The following DIXDC1 variants were observed in gnomAD, a reference collection of about 807,000 sequenced individuals.
The protein encoded by DIXDC1 is dixin.
DIXDC1 carries 64 observed loss-of-function variants against 103.1 expected under a neutral mutation model. That is an observed-to-expected ratio of 0.62 (90% CI 0.51 to 0.76). The LOEUF is 0.76. Ranked by LOEUF, DIXDC1 falls within the 30% of genes least tolerant of loss-of-function variation. DIXDC1 has a pLI of 0.00. For missense variants in DIXDC1, 759 were observed against 834.2 expected (o/e 0.91, Z 1.11); for synonymous variants, 266 against 298.5 (o/e 0.89, Z 1.12).
In DIXDC1 at chr11:111,985,286, C is replaced by T. The variant is rs782455654; in HGVS notation, c.973C>T (p.Leu325Phe). The change falls in exon 8 of 20, where the codon CTC becomes TTC. Residue 325 changes from leucine to phenylalanine, a missense_variant. This residue lies in a region of DIXDC1 where 657 missense variants were observed against 727.5 expected (regional missense o/e 0.90). Coordinates refer to ENST00000440460, the MANE Select transcript of DIXDC1 (RefSeq NM_001037954.4). ...AGATGAACAGGAGAGGCCCTTGGCC[C>T]TCTGTGAACCAGGTGTCAATCCCGA... The part of the protein sequence containing the change: ...PEDEQERPLA[L>F]CEPGVNPEEQ... 6.2e-7 allele frequency: 1 copy of T among 1,613,638 alleles called. No homozygotes were observed. The highest frequency in any genetic ancestry group is 1.1e-5 in the South Asian group (1 of 90,952).
Position 111,949,762 on chromosome 11 carries a change from G to A in DIXDC1, c.60+12203G>A, listed in dbSNP as rs1263571570. ...ACTGGCTGTTCCTCTAAGATAGTAT[G>A]TGTCTTCTGACCCTTCCTCCTTCCA... On this transcript the variant is annotated intron_variant, in intron 1 of 19. Transcript: ENST00000440460. 7.2e-5 allele frequency among the ~76,000 whole-genome samples: 11 copies of A among 152,222 alleles called. No individual in the cohort carries two copies. The South Asian group carries it at 1.7e-3, about 23-fold the overall frequency.
chr11:112,019,273 C>A lies in DIXDC1; in HGVS notation c.*237C>A. ...ATCTGGAGTTCCTTGTCCGTGGGAACACAGTGTTCTATTCTACTCTGAGGA... is the reference window on the plus strand; with the variant it reads ...ATCTGGAGTTCCTTGTCCGTGGGAAAACAGTGTTCTATTCTACTCTGAGGA... On this transcript the variant is annotated 3_prime_UTR_variant, in exon 20 of 20. Transcript: ENST00000440460. The A allele has an allele frequency of 2.6e-6, 1 of 390,224 alleles. No individual in the cohort carries two copies. Among genetic ancestry groups the A allele is most frequent in the Non-Finnish European group, 4.7e-6 (1 of 211,284 alleles). The allele number at this position is 390,224 out of a possible 1,614,324, so 24.2% of individuals were successfully genotyped here.
At chr11:111,947,270 T>C (rs1180554305) in intron 1 of DIXDC1, among the ~76,000 whole-genome samples, 6 of 152,052 alleles carry the variant, frequency 3.9e-5, no homozygotes, top group African/African-American at 1.4e-4. Flanking sequence ...TTTTAAAAAA[T>C]AATGAGGCCA....
At chr11:111,945,986 A>C (rs1453699469) in intron 1 of DIXDC1, among the ~76,000 whole-genome samples, 1 of 135,366 alleles carries the variant, frequency 7.4e-6, no homozygotes, top group Non-Finnish European at 1.5e-5. Flanking sequence ...GCTCAGGCTG[A>C]AGTGCAGTGG....
chr11:111,967,563 C>G (rs61433892), intron 2 of DIXDC1, among the ~76,000 whole-genome samples: 1 of 152,190 alleles, frequency 6.6e-6, no homozygotes, highest in African/African-American at 2.4e-5. Context: ...TTTCCTCTCT[C>G]CATAGTCTAT....
intron 1 of DIXDC1, among the ~76,000 whole-genome samples, chr11:111,962,021 G>A: frequency 6.6e-6 from 1 of 152,136 alleles, no homozygotes; most frequent in South Asian, 2.1e-4. Flanking sequence ...GTTTCTACCA[G>A]CCTGCAAGCT....
At chr11:112,018,291 G>A (rs1194253862) in intron 19 of DIXDC1, among the ~76,000 whole-genome samples, 1 of 152,136 alleles carries the variant, frequency 6.6e-6, no homozygotes, top group East Asian at 1.9e-4. Context: ...GAACTTCTAG[G>A]GAGTTATGTA....
At chr11:111,950,409 G>A (rs1270994582) in intron 1 of DIXDC1, among the ~76,000 whole-genome samples, 1 of 41,750 alleles carries the variant, frequency 2.4e-5, no homozygotes, top group Non-Finnish European at 4.3e-5. Context: ...GTACAAAGTA[G>A]GTATATATAT....
At chr11:111,994,904 A>G (rs1860838632) in intron 14 of DIXDC1, 115 bp from the exon 15 acceptor site, 1 of 1,007,812 alleles carries the variant, frequency 9.9e-7, no homozygotes, top group African/African-American at 1.6e-5. Flanking sequence ...AGAGCCATTA[A>G]ACAGACAATT....
chr11:111,927,590 C>G (rs924106309), intron 1 of DIXDC1, among the ~76,000 whole-genome samples: 5 of 152,110 alleles, frequency 3.3e-5, no homozygotes, highest in Non-Finnish European at 7.3e-5. Context: ...AGGGGTAACG[C>G]ACTCCCCTTT....
Position 111,939,733 on chromosome 11 carries a change from G to A in DIXDC1, c.60+2174G>A, listed in dbSNP as rs587733370. Among the ~76,000 whole-genome samples, 6 of 152,238 alleles carry A rather than the reference G, an allele frequency of 3.9e-5. No individual in the cohort carries two copies. The South Asian group carries it at 1.2e-3, about 32-fold the overall frequency. On this transcript the variant is annotated intron_variant, in intron 1 of 19. Transcript: ENST00000440460. ...ATACAATATTACATTTAGTGCTACT[G>A]AATAATAGTGTAATTGGTTATTTTA...
At chr11:111,959,846 A>G (rs587601223) in intron 1 of DIXDC1, among the ~76,000 whole-genome samples, 1 of 151,962 alleles carries the variant, frequency 6.6e-6, no homozygotes, top group Non-Finnish European at 1.5e-5. Context: ...CTCTTAGTGC[A>G]AGTCAGCAGT....
intron 16 of DIXDC1, 38 bp from the exon 17 acceptor site, chr11:111,996,042 T>C (rs782634048): frequency 1.6e-5 from 26 of 1,602,414 alleles, no homozygotes; most frequent in Non-Finnish European, 2.0e-5. Flanking sequence ...AGTTCTCTCA[T>C]TGATCATAAC....
rs782066742 is a variant in DIXDC1, at chr11:111,937,461, G to A, written c.-39G>A. The A allele has an allele frequency of 1.6e-5, 25 of 1,558,090 alleles. No individual in the cohort carries two copies. The Admixed American group carries it at 4.7e-4, about 29-fold the overall frequency. ...GGAGGAGGAGGCGGCGGCGGCCGCC[G>A]GGCTGGAGACCCCGCCCGGGGAGCC... On this transcript the variant is annotated 5_prime_UTR_variant, in exon 1 of 20. Transcript: ENST00000440460.
rs782239814 is a variant in DIXDC1 at position 111,993,655 on chromosome 11, T to C, written c.1366-14T>C. 74 of 1,613,930 alleles carry C rather than the reference T, an allele frequency of 4.6e-5. No individual in the cohort carries two copies. The highest frequency in any genetic ancestry group is 6.0e-5 in the Non-Finnish European group (71 of 1,179,908). ...CCAAAGAAATCATTTTCTGATTTAG[T>C]GTCTATTTTGCAGGTGGATCTAGAG... On this transcript the variant is annotated splice_polypyrimidine_tract_variant and intron_variant, in intron 13 of 19. Transcript: ENST00000440460.
chr11:112,004,702 C>T (rs2137613837), intron 17 of DIXDC1, among the ~76,000 whole-genome samples: 1 of 152,284 alleles, frequency 6.6e-6, no homozygotes, highest in South Asian at 2.1e-4. Context: ...TGAGGAAAGC[C>T]TACAGCTGAG....
intron 7 of DIXDC1, among the ~76,000 whole-genome samples, chr11:111,984,452 A>G (rs1281015225): frequency 1.3e-5 from 2 of 152,172 alleles, no homozygotes; most frequent in Non-Finnish European, 2.9e-5. Flanking sequence ...AGGCTGAGAC[A>G]TGAGACTTGC....
chr11:111,932,027 CTTTTTT>C (rs59805759), intron 2 of DIXDC1, among the ~76,000 whole-genome samples: 2 of 99,156 alleles, frequency 2.0e-5, no homozygotes, highest in African/African-American at 8.9e-5. Flanking sequence ...GGCAGATAAC[CTTTTTT>C]TTTTTTTTTT....
In DIXDC1 at chr11:111,964,530, T is replaced by TA. The variant is rs782623347; in HGVS notation, c.61-18dup. ...ATTAATATGCTCTCTTTCCCTTACT[T>TA]ATATCTTTTATTTTCCAGCAACAGC... On this transcript the variant is annotated intron_variant, in intron 1 of 19. Coordinates refer to ENST00000440460, the MANE Select transcript of DIXDC1 (RefSeq NM_001037954.4). 1 of 1,577,198 alleles carries TA rather than the reference T, an allele frequency of 6.3e-7. No individual in the cohort carries two copies.
Sources: allele counts gnomAD v4.1 joint callset (sites outside exome capture counted in the v4.1 genomes callset), GRCh38; gene constraint gnomAD v4.1.1; regional missense constraint gnomAD v4.1.1; transcripts MANE v1.5; gene names NCBI Gene and HGNC (gene_info 2026-07-23, HGNC 2026-07-21).